NEB: variants seen among roughly 807,000 people sequenced by gnomAD.
The protein encoded by NEB is nebulin.
NEB carries 512 observed loss-of-function variants against 952.2 expected under a neutral mutation model. The observed-to-expected ratio is 0.54, with a 90% CI of 0.50 to 0.58. The LOEUF (loss-of-function observed/expected upper bound fraction) is 0.58, where lower values mean the gene tolerates loss of function less well. Ranked by LOEUF, NEB falls within the 20% of genes least tolerant of loss-of-function variation. The probability of loss-of-function intolerance (pLI) is 0.00; values close to 1 mark genes in which losing one functional copy is unlikely to be tolerated. For synonymous variants in NEB, 2,900 were observed against 3,149.8 expected, an observed-to-expected ratio of 0.92 and a Z score of 2.66; for missense variants, 8,428 against 9,231.1, an observed-to-expected ratio of 0.91 and a Z score of 3.56.
intron 12 of NEB, among the ~76,000 whole-genome samples, chr2:151,708,301 G>T (rs1461857910): frequency 6.6e-6 from 1 of 152,142 alleles, no homozygotes. Context: ...AGAAAGAGTT[G>T]AATATACTTA....
intron 161 of NEB, among the ~76,000 whole-genome samples, chr2:151,511,203 C>T (rs2073996631): frequency 6.6e-6 from 1 of 152,180 alleles, no homozygotes; most frequent in Non-Finnish European, 1.5e-5. Context: ...TCCCTGGCTC[C>T]CTCAGTGAAC....
chr2:151,609,539 G>A (rs1033862716), intron 81 of NEB, among the ~76,000 whole-genome samples: 1 of 152,124 alleles, frequency 6.6e-6, no homozygotes, highest in Non-Finnish European at 1.5e-5. Flanking sequence ...TTGACCCAAG[G>A]AAATGCTGTT....
chr2:151,710,664 A>G lies in NEB; in HGVS notation c.823-126T>C, dbSNP rs926657732. The G allele has an allele frequency of 9.2e-6, 5 of 544,542 alleles. No homozygotes were observed. The African/African-American group carries it at 9.5e-5, about 10-fold the overall frequency. The allele number at this position is 544,542 out of a possible 1,614,324, so 33.7% of individuals were successfully genotyped here. A position where few individuals can be genotyped will look rare whatever the true frequency, so the allele number is the denominator to read the frequency against. On this transcript the variant is annotated intron_variant, in intron 10 of 181. Transcript: ENST00000397345. Reference sequence around the variant, plus strand: ...CAAGCCATTCTTAGGTCCTTAATAAATGCCTTTAAAAAAAATCTTCCAATG... The same window carrying G: ...CAAGCCATTCTTAGGTCCTTAATAAGTGCCTTTAAAAAAAATCTTCCAATG...
chr2:151,639,791 T>C (rs1396721029), intron 62 of NEB, 66 bp downstream of exon 62: 2 of 1,348,170 alleles, frequency 1.5e-6, no homozygotes, highest in Non-Finnish European at 2.0e-6. Context: ...CTTTCCTCAT[T>C]AATGTTTCTT....
intron 13 of NEB, among the ~76,000 whole-genome samples, chr2:151,705,721 G>A (rs1449535174): frequency 1.3e-5 from 2 of 152,154 alleles, no homozygotes; most frequent in Non-Finnish European, 2.9e-5. Context: ...TATATATACA[G>A]CATGGAATGC....
intron 76 of NEB, 31 bp from the exon 77 acceptor site, chr2:151,614,618 A>G: frequency 6.3e-7 from 1 of 1,574,808 alleles, no homozygotes; most frequent in Non-Finnish European, 8.7e-7. Flanking sequence ...GTATAATGAC[A>G]AGAACATCTT....
chr2:151,616,885 G>T (rs2098218585), intron 75 of NEB, among the ~76,000 whole-genome samples: 1 of 152,190 alleles, frequency 6.6e-6, no homozygotes, highest in South Asian at 2.1e-4. Flanking sequence ...CTCGGACAAT[G>T]ATTCATATAT....
Position 151,617,551 on chromosome 2 carries a change from A to C in NEB, c.11077-83T>G, listed in dbSNP as rs557251885. 1.8e-4 allele frequency: 145 copies of C among 820,248 alleles called. No homozygotes were observed. In the African/African-American group the frequency reaches 2.1e-3, roughly 12 times the overall value. 50.8% of individuals were successfully genotyped at this position (820,248 alleles called of 1,614,324 possible). ...GATATTATTGTTTTGATTATGTGCC[A>C]GTCATCTCTCTTGTATACAAGGTAG... is the stretch of plus-strand genomic sequence containing the variant. On this transcript the variant is annotated intron_variant, in intron 74 of 181. Coordinates refer to ENST00000397345, the MANE Select transcript of NEB (RefSeq NM_001164508.2).
chr2:151,640,719 A>T lies in NEB; in HGVS notation c.8374-53T>A. On this transcript the variant is annotated intron_variant, in intron 60 of 181. Coordinates refer to ENST00000397345, the MANE Select transcript of NEB (RefSeq NM_001164508.2). ...TCTGTTTTAACTTTTAGTAAAAAGCAATCACTAAGCCTAACTTGCTCTATT... is the reference window on the plus strand; with the variant it reads ...TCTGTTTTAACTTTTAGTAAAAAGCTATCACTAAGCCTAACTTGCTCTATT... The T allele has an allele frequency of 1.9e-6, 3 of 1,544,218 alleles. No individual in the cohort carries two copies. In the South Asian group the frequency reaches 3.7e-5, roughly 19 times the overall value.
chr2:151,733,040 C>T (rs879633325), intron 3 of NEB, 81 bp downstream of exon 3: 89 of 1,271,820 alleles, frequency 7.0e-5, no homozygotes, highest in East Asian at 2.5e-4. Context: ...ATGTATTTTT[C>T]GAATGATTAA....
rs2099313061 is a variant in NEB, at chr2:151,672,497, T to A, written c.4171A>T (p.Thr1391Ser). Residue 1391 changes from threonine to serine, a missense_variant, in exon 37 of 182, where the codon ACA (threonine) becomes TCA (serine). Thr to Ser is a moderately conservative substitution (Grantham distance 58, BLOSUM62 1). Transcript: ENST00000397345. ...ACATCCTGGGCCATCTTTGCAGCTGTGATGCTAACCATGTCCCCAGGGGTA... is the reference window on the plus strand; with the variant it reads ...ACATCCTGGGCCATCTTTGCAGCTGAGATGCTAACCATGTCCCCAGGGGTA... Reference protein sequence around the residue: ...YHTPGDMVSITAAKMAQDVAT... With the variant: ...YHTPGDMVSISAAKMAQDVAT... 1.2e-6 allele frequency: 2 copies of A among 1,613,898 alleles called. No individual in the cohort carries two copies. Among genetic ancestry groups the A allele is most frequent in the Non-Finnish European group, 1.7e-6 (2 of 1,179,894 alleles).
chr2:151,713,624 G>C (rs987344664), intron 10 of NEB, among the ~76,000 whole-genome samples: 2 of 152,178 alleles, frequency 1.3e-5, no homozygotes, highest in Non-Finnish European at 2.9e-5. Flanking sequence ...CTGGAAGGGA[G>C]CAGAGAGGCA....
chr2:151,504,440 A>G (rs1354208930), intron 165 of NEB, among the ~76,000 whole-genome samples: 1 of 152,254 alleles, frequency 6.6e-6, no homozygotes, highest in Non-Finnish European at 1.5e-5. Context: ...AGCCTAGGCT[A>G]GCTTTCTCAA....
At position 151,633,759 on chromosome 2, in the gene NEB, G is replaced by A; in HGVS notation, c.9309C>T (p.Thr3103=). The A allele has an allele frequency of 1.2e-6, 2 of 1,613,940 alleles. No homozygotes were observed. The highest frequency in any genetic ancestry group is 8.5e-7 in the Non-Finnish European group (1 of 1,179,884). ...LGVVLAKKCQ[T]LVSDVDYKNY... ...TCTTATAGTCCACGTCACTGACTAA[G>A]GTCTGGCACTTCTTGGCCAGCACCA... Residue 3103 remains threonine, a synonymous_variant, in exon 65 of 182, where the codon ACC becomes ACT. Coordinates refer to ENST00000397345, the MANE Select transcript of NEB (RefSeq NM_001164508.2).
At chr2:151,578,458 G>C (rs2096961371) in intron 105 of NEB, among the ~76,000 whole-genome samples, 1 of 151,374 alleles carries the variant, frequency 6.6e-6, no homozygotes, top group South Asian at 2.1e-4. Context: ...TCAGGGGTTT[G>C]AGACCAGCCT....
At chr2:151,666,439 A>G (rs372649635) in intron 40 of NEB, 38 bp from the exon 41 acceptor site, 65 of 1,584,852 alleles carry the variant, frequency 4.1e-5, no homozygotes, top group Admixed American at 5.1e-5. Flanking sequence ...GTTGGCTAGC[A>G]TAGAAGTCTG....
In NEB at chr2:151,547,414, C is replaced by G. The variant is rs886054931; in HGVS notation, c.20367+15G>C. ...TGGTAAGACTACTCCAGAAAGACCC[C>G]TACGAGATGCTTACATCACTGGTGA... On this transcript the variant is annotated intron_variant, in intron 133 of 181. Transcript: ENST00000397345. 6.4e-6 allele frequency: 10 copies of G among 1,567,220 alleles called. No homozygotes were observed. The highest frequency in any genetic ancestry group is 1.4e-5 in the African/African-American group (1 of 73,908).
Position 151,487,075 on chromosome 2 carries a change from G to T in NEB, c.25405-1142C>A, listed in dbSNP as rs190314267. ...TGTGTGTGCGCATGTGCGTGTGTGT[G>T]TACTGACAGAAAAGACAGAATATGC... is the stretch of plus-strand genomic sequence containing the variant. On this transcript the variant is annotated intron_variant, in intron 181 of 181. Transcript: ENST00000397345. Among the ~76,000 whole-genome samples, 8 of 152,320 alleles carry T rather than the reference G, an allele frequency of 5.3e-5. No homozygotes were observed. The East Asian group carries it at 1.5e-3, about 29-fold the overall frequency.
chr2:151,695,191 A>G (rs1682184718), intron 18 of NEB, among the ~76,000 whole-genome samples: 1 of 152,162 alleles, frequency 6.6e-6, no homozygotes, highest in African/African-American at 2.4e-5. Flanking sequence ...GTTCTCATAT[A>G]TGTAGAAATA....
Sources: gnomAD v4.1 joint callset for allele counts (sites outside exome capture counted in the v4.1 genomes callset) on GRCh38, gnomAD v4.1.1 for gene constraint, MANE v1.5 for transcripts, NCBI Gene and HGNC (gene_info 2026-07-23, HGNC 2026-07-21) for gene names.